Variants in EPHA7 observed in about 807,000 individuals in gnomAD.
EPHA7 encodes the protein EPH receptor A7, also known as ephrin type-A receptor 7.
Under a neutral mutation model 112.6 loss-of-function variants are expected in EPHA7, and 25 were observed. The ratio of observed to expected loss-of-function variants is 0.22; its 90% CI spans 0.16 to 0.31. The LOEUF (loss-of-function observed/expected upper bound fraction) is 0.31. EPHA7 is among the 10% of genes least tolerant of loss of function. EPHA7 has a pLI of 1.00. For missense variants in EPHA7, 962 were observed against 1,212.6 expected, an observed-to-expected ratio of 0.79 and a Z score of 3.07; for synonymous variants, 437 against 406.5, an observed-to-expected ratio of 1.07 and a Z score of -0.90.
At chr6:93,324,042 C>A (rs954811049) in intron 5 of EPHA7, among the ~76,000 whole-genome samples, 1 of 151,410 alleles carries the variant, frequency 6.6e-6, no homozygotes, top group African/African-American at 2.4e-5. Flanking sequence ...CATGAAGGGG[C>A]AGACAGACTC....
At chr6:93,366,293 C>A (rs1251549915) in intron 3 of EPHA7, among the ~76,000 whole-genome samples, 1 of 152,160 alleles carries the variant, frequency 6.6e-6, no homozygotes, top group Non-Finnish European at 1.5e-5. Flanking sequence ...TACACTCCAC[C>A]ATTTACTAGC....
chr6:93,370,940 T>C (rs545274250), intron 3 of EPHA7, among the ~76,000 whole-genome samples: 1 of 146,646 alleles, frequency 6.8e-6, no homozygotes, highest in East Asian at 2.0e-4. Context: ...GGTCAGGAGA[T>C]CGAGACCATC....
chr6:93,414,563 T>C (rs1779132008), intron 2 of EPHA7, 140 bp downstream of exon 2: 1 of 692,468 alleles, frequency 1.4e-6, no homozygotes, highest in South Asian at 1.7e-5. Context: ...TGTCTCATTA[T>C]AAATGCAACA....
chr6:93,290,981 G>C (rs1036320189), intron 5 of EPHA7, among the ~76,000 whole-genome samples: 1 of 152,158 alleles, frequency 6.6e-6, no homozygotes, highest in East Asian at 1.9e-4. Context: ...GATCCCAGTA[G>C]TTTATGTTGC....
At chr6:93,263,775 T>C in intron 9 of EPHA7, 85 bp downstream of exon 9, 1 of 1,037,236 alleles carries the variant, frequency 9.6e-7, no homozygotes, top group Non-Finnish European at 1.5e-6. Context: ...GCATGATGCA[T>C]GAGGACTTTG....
At chr6:93,269,695 G>T in intron 6 of EPHA7, 35 bp from the exon 7 acceptor site, 1 of 1,442,078 alleles carries the variant, frequency 6.9e-7, no homozygotes, top group Non-Finnish European at 9.2e-7. Context: ...ATTTAATTGT[G>T]ATTGCAACCA....
chr6:93,402,836 T>A (rs1778495736), intron 3 of EPHA7, among the ~76,000 whole-genome samples: 1 of 152,036 alleles, frequency 6.6e-6, no homozygotes, highest in Admixed American at 6.6e-5. Context: ...TAAACACACT[T>A]CAAGGCCTTC....
intron 5 of EPHA7, among the ~76,000 whole-genome samples, chr6:93,323,318 C>T (rs901850573): frequency 4.0e-5 from 6 of 151,452 alleles, no homozygotes; most frequent in East Asian, 3.9e-4. Context: ...TGGGGTAAAA[C>T]GTTTTCGAGT....
chr6:93,387,924 C>T (rs9354016), intron 3 of EPHA7, among the ~76,000 whole-genome samples: 17 of 145,566 alleles, frequency 1.2e-4, no homozygotes, highest in Non-Finnish European at 1.0e-4. Context: ...GATAGATAGA[C>T]AGATAGATAG....
intron 5 of EPHA7, among the ~76,000 whole-genome samples, chr6:93,331,766 T>A (rs559354870): frequency 2.5e-4 from 38 of 151,720 alleles, no homozygotes; most frequent in Middle Eastern, 3.4e-3. Flanking sequence ...CTTGTTTAGT[T>A]TATCAATTAA....
intron 5 of EPHA7, among the ~76,000 whole-genome samples, chr6:93,356,192 T>C (rs1775934231): frequency 6.6e-6 from 1 of 150,820 alleles, no homozygotes; most frequent in African/African-American, 2.4e-5. Flanking sequence ...GTCTTAAGGG[T>C]TTACAATTTT....
intron 5 of EPHA7, among the ~76,000 whole-genome samples, chr6:93,322,925 T>G (rs2127887397): frequency 6.6e-6 from 1 of 151,694 alleles, no homozygotes; most frequent in African/African-American, 2.4e-5. Context: ...ATTATCACTT[T>G]TTGAGGGTCA....
intron 5 of EPHA7, among the ~76,000 whole-genome samples, chr6:93,339,941 T>C (rs758937055): frequency 1.1e-4 from 17 of 151,748 alleles, no homozygotes; most frequent in Non-Finnish European, 2.2e-4. Context: ...AGATCAATTA[T>C]ATTCGCCATA....
chr6:93,341,828 C>G (rs1443731736), intron 5 of EPHA7, among the ~76,000 whole-genome samples: 1 of 151,766 alleles, frequency 6.6e-6, no homozygotes, highest in Admixed American at 6.6e-5. Flanking sequence ...ATATCATTTT[C>G]ATGATTATAA....
chr6:93,271,324 T>C (rs1433613587), intron 6 of EPHA7, among the ~76,000 whole-genome samples: 1 of 151,878 alleles, frequency 6.6e-6, no homozygotes, highest in Non-Finnish European at 1.5e-5. Flanking sequence ...CTATATACAT[T>C]TCAATTTATT....
intron 5 of EPHA7, among the ~76,000 whole-genome samples, chr6:93,338,340 T>C (rs1774976440): frequency 6.6e-6 from 1 of 152,112 alleles, no homozygotes; most frequent in Admixed American, 6.6e-5. Flanking sequence ...TGTGTTAGTG[T>C]GTATGGATTC....
intron 3 of EPHA7, among the ~76,000 whole-genome samples, chr6:93,374,193 T>C (rs1014501060): frequency 6.6e-6 from 1 of 152,136 alleles, no homozygotes; most frequent in Admixed American, 6.5e-5. Context: ...TACAGGTATA[T>C]TTGCTAAATT....
At chr6:93,339,215 A>G (rs183416375) in intron 5 of EPHA7, among the ~76,000 whole-genome samples, 12 of 151,790 alleles carry the variant, frequency 7.9e-5, no homozygotes, top group African/African-American at 1.7e-4. Context: ...ACAACTCATT[A>G]ATTGGTAAAA....
chr6:93,296,609 G>A (rs965158643), intron 5 of EPHA7, among the ~76,000 whole-genome samples: 1 of 151,240 alleles, frequency 6.6e-6, no homozygotes, highest in Non-Finnish European at 1.5e-5. Flanking sequence ...GAAAAATATT[G>A]CATAATCTTG....
Sources: gnomAD v4.1 joint callset for allele counts (sites outside exome capture counted in the v4.1 genomes callset) on GRCh38, gnomAD v4.1.1 for gene constraint, MANE v1.5 for transcripts, NCBI Gene and HGNC (gene_info 2026-07-23, HGNC 2026-07-21) for gene names.